The following TSPAN11 variants were observed in gnomAD, a reference collection of about 807,000 sequenced individuals.
TSPAN11 encodes the protein tetraspanin-11.
TSPAN11 carries 29 observed loss-of-function variants against 32.9 expected under a neutral mutation model. The observed-to-expected ratio is 0.88, with a 90% confidence interval of 0.66 to 1.20. The LOEUF (loss-of-function observed/expected upper bound fraction) is 1.20, where lower values mean the gene tolerates loss of function less well. TSPAN11 is among the 50% of genes most tolerant of loss of function. The pLI is 0.00. For synonymous variants in TSPAN11, 140 were observed against 141.3 expected, an observed-to-expected ratio of 0.99 and a Z score of 0.07; for missense variants, 283 against 329.1, an observed-to-expected ratio of 0.86 and a Z score of 1.08.
chr12:30,929,709 C>T (rs985826585), intron 1 of TSPAN11, among the ~76,000 whole-genome samples: 3 of 152,118 alleles, frequency 2.0e-5, no homozygotes, highest in East Asian at 1.9e-4. Context: ...GATTACTGAG[C>T]GTAGACGACA....
At chr12:30,987,425 G>A (rs1239381034) in intron 7 of TSPAN11, among the ~76,000 whole-genome samples, 1 of 152,088 alleles carries the variant, frequency 6.6e-6, no homozygotes, top group Non-Finnish European at 1.5e-5. Context: ...TGGCCAACAT[G>A]GTGAAACCCC....
chr12:30,942,142 C>T (rs1938179000), intron 1 of TSPAN11, among the ~76,000 whole-genome samples: 1 of 152,208 alleles, frequency 6.6e-6, no homozygotes, highest in African/African-American at 2.4e-5. Flanking sequence ...TAGGGTTACC[C>T]AATCTTTTCC....
chr12:31,007,745 G>C, the TSPAN11 span, among the ~76,000 whole-genome samples: 1 of 152,248 alleles, frequency 6.6e-6, no homozygotes, highest in South Asian at 2.1e-4. Context: ...TTTGTTTAAG[G>C]CTTTAATTTC....
intron 1 of TSPAN11, among the ~76,000 whole-genome samples, chr12:30,928,505 G>A (rs1592454891): frequency 6.6e-6 from 1 of 152,182 alleles, no homozygotes; most frequent in African/African-American, 2.4e-5. Flanking sequence ...AGACGGCACC[G>A]AATTCCAGGA....
At chr12:30,978,772 CT>C in intron 4 of TSPAN11, 137 bp downstream of exon 4, 3 of 761,586 alleles carry the variant, frequency 3.9e-6, no homozygotes, top group African/African-American at 3.4e-5. Flanking sequence ...GGCAATCCCC[CT>C]ACATATCTGC....
chr12:30,949,421 C>T (rs1938334574), intron 1 of TSPAN11, among the ~76,000 whole-genome samples: 1 of 152,060 alleles, frequency 6.6e-6, no homozygotes, highest in Admixed American at 6.6e-5. Flanking sequence ...GCCTCAGAAT[C>T]ATGGTGGGAG....
intron 7 of TSPAN11, among the ~76,000 whole-genome samples, chr12:30,989,908 G>C (rs1380881355): frequency 1.3e-5 from 2 of 152,280 alleles, no homozygotes; most frequent in Non-Finnish European, 2.9e-5. Context: ...CCAGAAGATA[G>C]CACCAGGCAC....
intron 1 of TSPAN11, among the ~76,000 whole-genome samples, chr12:30,952,528 A>G (rs925018604): frequency 6.6e-6 from 1 of 152,232 alleles, no homozygotes; most frequent in East Asian, 1.9e-4. Flanking sequence ...GAAATCACAA[A>G]TAAGTCAGCC....
chr12:30,938,485 T>A (rs1035843768), intron 1 of TSPAN11, among the ~76,000 whole-genome samples: 3 of 152,110 alleles, frequency 2.0e-5, no homozygotes, highest in Admixed American at 2.0e-4. Context: ...GGGTGCTGGT[T>A]TACTAGAAAT....
chr12:30,967,511 C>T (rs545190728), intron 3 of TSPAN11, among the ~76,000 whole-genome samples: 1 of 152,380 alleles, frequency 6.6e-6, no homozygotes. Context: ...CCTGCTTCTT[C>T]TCAGCTCCAC....
At position 30,975,449 on chromosome 12, in the gene TSPAN11, T is replaced by A. The variant is rs769049041; in HGVS notation, c.277-3112T>A. On this transcript the variant is annotated intron_variant, in intron 3 of 7. Coordinates refer to ENST00000546076, the MANE Select transcript of TSPAN11 (RefSeq NM_001370302.1). The surrounding 1 kb of genome is among the most constrained non-coding windows in gnomAD (Gnocchi z 4.5). ...CAGGCCCTCACTCCCCTTCCAGGCA[T>A]CTTAACACACTGGAGCTCGAGAAGG... Among the ~76,000 whole-genome samples the A allele has an allele frequency of 5.9e-5, 9 of 151,920 alleles. No homozygotes were observed. The highest frequency in any genetic ancestry group is 1.0e-4 in the Non-Finnish European group (7 of 67,950).
At chr12:31,005,609 C>T in the TSPAN11 span, among the ~76,000 whole-genome samples, 1 of 152,244 alleles carries the variant, frequency 6.6e-6, no homozygotes, top group African/African-American at 2.4e-5. Flanking sequence ...CTCCCCGCCC[C>T]TCCACCACTG....
At chr12:30,986,097 A>G (rs994177188) in intron 7 of TSPAN11, among the ~76,000 whole-genome samples, 5 of 152,156 alleles carry the variant, frequency 3.3e-5, no homozygotes, top group Non-Finnish European at 7.3e-5. Flanking sequence ...TCTCTTCCCC[A>G]GGGTCATAGT....
Position 30,971,724 on chromosome 12 carries a change from A to T in TSPAN11, c.277-6837A>T, listed in dbSNP as rs148707682. Among the ~76,000 whole-genome samples the T allele has an allele frequency of 1.5e-3, 235 of 151,950 alleles. 1 individual carries two copies. The highest frequency in any genetic ancestry group is 4.7e-3 in the African/African-American group (193 of 41,482). On this transcript the variant is annotated intron_variant, in intron 3 of 7. Coordinates refer to ENST00000546076, the MANE Select transcript of TSPAN11 (RefSeq NM_001370302.1). The stretch of plus-strand genomic sequence containing the variant: ...ATGATTGTACCACTGTACTCCAGCC[A>T]GGGTGGCAAAGCAAGACCCTATCTC...
At chr12:31,013,892 T>C in the TSPAN11 span, among the ~76,000 whole-genome samples, 1 of 152,180 alleles carries the variant, frequency 6.6e-6, no homozygotes, top group East Asian at 1.9e-4. Context: ...CTAGTCTAAA[T>C]TGAGATGTGC....
In TSPAN11 at chr12:30,992,075, T is replaced by TCTA. The variant is rs10701557; in HGVS notation, c.*162_*163insACT. 0.96 allele frequency: 729,443 copies of TCTA among 763,036 alleles called. 348,943 individuals are homozygous for TCTA. The highest frequency in any genetic ancestry group is 0.99 in the East Asian group (36,832 of 37,238). 47.3% of individuals were successfully genotyped at this position (763,036 alleles called of 1,614,324 possible). Reference sequence around the variant, plus strand: ...CCACCGAGTGCCTGAGACCATAGCTTCTGTGCCCACCCAGGCAGAGACCCT... The same window carrying TCTA: ...CCACCGAGTGCCTGAGACCATAGCTTCTACTGTGCCCACCCAGGCAGAGACCCT... On this transcript the variant is annotated 3_prime_UTR_variant, in exon 8 of 8. Transcript: ENST00000546076.
chr12:30,982,949 C>T, intron 6 of TSPAN11, 115 bp from the exon 7 acceptor site: 1 of 1,251,636 alleles, frequency 8.0e-7, no homozygotes. Flanking sequence ...AGGTTGGGTC[C>T]AGCCTGTGAG....
intron 1 of TSPAN11, among the ~76,000 whole-genome samples, chr12:30,929,342 G>A (rs931264951): frequency 6.6e-6 from 1 of 152,112 alleles, no homozygotes; most frequent in African/African-American, 2.4e-5. Context: ...TTTCTGCTTG[G>A]CCATGGAATT....
intron 3 of TSPAN11, among the ~76,000 whole-genome samples, chr12:30,977,164 G>A (rs374373026): frequency 5.3e-5 from 8 of 152,314 alleles, no homozygotes; most frequent in Admixed American, 2.6e-4. Flanking sequence ...CCCCTCTCCC[G>A]TATTCCTTAA....
Sources: allele counts gnomAD v4.1 joint callset (sites outside exome capture counted in the v4.1 genomes callset), GRCh38; gene constraint gnomAD v4.1.1; non-coding constraint Gnocchi (gnomAD v3.1); transcripts MANE v1.5; gene names NCBI Gene and HGNC (gene_info 2026-07-23, HGNC 2026-07-21).